Variants in SCAPER observed in about 807,000 individuals in gnomAD.
SCAPER encodes the protein S phase cyclin A-associated protein in the endoplasmic reticulum.
SCAPER carries 98 observed loss-of-function variants against 182.2 expected under a neutral mutation model. The ratio of observed to expected loss-of-function variants is 0.54; its 90% confidence interval spans 0.46 to 0.64. The LOEUF is 0.64. Among genes scored for constraint, SCAPER ranks in the 30% least tolerant of loss-of-function variants. The probability of loss-of-function intolerance (pLI) is 0.00; values close to 1 mark genes in which losing one functional copy is unlikely to be tolerated. For synonymous variants in SCAPER, 605 were observed against 564.6 expected, an observed-to-expected ratio of 1.07 and a Z score of -1.01; for missense variants, 1,432 against 1,690.0, an observed-to-expected ratio of 0.85 and a Z score of 2.68.
chr15:76,473,144 C>T (rs561668825), intron 24 of SCAPER, among the ~76,000 whole-genome samples: 3 of 152,268 alleles, frequency 2.0e-5, no homozygotes, highest in Admixed American at 6.5e-5. Context: ...AGCTGTTAAA[C>T]AATATGCTAA....
chr15:76,355,505 C>T (rs1356949114), intron 29 of SCAPER, among the ~76,000 whole-genome samples: 2 of 152,094 alleles, frequency 1.3e-5, no homozygotes, highest in South Asian at 4.1e-4. Flanking sequence ...CCAAATGTTC[C>T]CCACATTAGA....
chr15:76,846,227 A>G (rs2070068024), intron 4 of SCAPER, among the ~76,000 whole-genome samples: 1 of 152,194 alleles, frequency 6.6e-6, no homozygotes, highest in South Asian at 2.1e-4. Flanking sequence ...TAAGACCTCA[A>G]ACTATGAAAT....
chr15:76,666,080 A>G (rs1005386056), intron 20 of SCAPER, among the ~76,000 whole-genome samples: 1 of 152,212 alleles, frequency 6.6e-6, no homozygotes, highest in African/African-American at 2.4e-5. Context: ...AAATATATTC[A>G]CAAAACTATA....
At chr15:76,371,299 TATA>T (rs2042152987) in intron 29 of SCAPER, among the ~76,000 whole-genome samples, 1 of 151,830 alleles carries the variant, frequency 6.6e-6, no homozygotes, top group Non-Finnish European at 1.5e-5. Flanking sequence ...ATTTCTACCT[TATA>T]ATATTTCTCT....
chr15:76,469,267 G>A (rs978779564), intron 25 of SCAPER, among the ~76,000 whole-genome samples: 3 of 152,016 alleles, frequency 2.0e-5, no homozygotes, highest in African/African-American at 7.2e-5. Context: ...TCCAGATGAT[G>A]CAGTATGAAA....
At chr15:76,720,731 T>G (rs1041095291) in intron 17 of SCAPER, among the ~76,000 whole-genome samples, 5 of 152,254 alleles carry the variant, frequency 3.3e-5, no homozygotes, top group African/African-American at 1.2e-4. Flanking sequence ...TGTCTTCTTT[T>G]GAGAAGTGTC....
chr15:76,700,783 C>G (rs1826948190), intron 20 of SCAPER, among the ~76,000 whole-genome samples: 1 of 152,182 alleles, frequency 6.6e-6, no homozygotes. Context: ...AGAATAACTA[C>G]AGCTTCACAT....
intron 22 of SCAPER, among the ~76,000 whole-genome samples, chr15:76,613,749 C>CA (rs950379880): frequency 2.9e-4 from 44 of 152,096 alleles, no homozygotes; most frequent in African/African-American, 8.4e-4. Context: ...ATTTAAAAGT[C>CA]AAAAAATCAC....
chr15:76,603,775 TG>T, intron 22 of SCAPER, among the ~76,000 whole-genome samples: 1 of 122,416 alleles, frequency 8.2e-6, no homozygotes. Flanking sequence ...ATTTCTCTGA[TG>T]GACAGTGATG....
chr15:76,450,043 A>G (rs575477291), intron 25 of SCAPER, among the ~76,000 whole-genome samples: 1 of 152,342 alleles, frequency 6.6e-6, no homozygotes, highest in South Asian at 2.1e-4. Context: ...ATGTAAACAA[A>G]TGCTGTATTT....
intron 23 of SCAPER, among the ~76,000 whole-genome samples, chr15:76,515,956 T>C (rs755337699): frequency 2.6e-4 from 39 of 152,234 alleles, no homozygotes; most frequent in Middle Eastern, 3.4e-3. Context: ...AGGGTACAAG[T>C]AAGCTAGGAA....
At chr15:76,357,422 C>G (rs1297159358) in intron 29 of SCAPER, among the ~76,000 whole-genome samples, 1 of 152,122 alleles carries the variant, frequency 6.6e-6, no homozygotes, top group Non-Finnish European at 1.5e-5. Flanking sequence ...CATCTTACAC[C>G]AATCAGAATG....
chr15:76,468,475 G>GTTATTCAAAGGGAACTAGGGCTTTA (rs1166113699), intron 25 of SCAPER, among the ~76,000 whole-genome samples: 24 of 152,072 alleles, frequency 1.6e-4, no homozygotes, highest in African/African-American at 5.1e-4. Flanking sequence ...TACAACGAAG[G>GTTATTCAAAGGGAACTAGGGCTTTA]TTATTCAAAG....
chr15:76,348,807 A>G (rs1428064174), intron 31 of SCAPER, 71 bp from the exon 32 acceptor site: 4 of 930,518 alleles, frequency 4.3e-6, no homozygotes, highest in Non-Finnish European at 6.4e-6. Flanking sequence ...CATAAATTAA[A>G]CTTATTTTGA....
intron 5 of SCAPER, among the ~76,000 whole-genome samples, chr15:76,816,651 A>G (rs545413393): frequency 9.5e-4 from 129 of 135,688 alleles, no homozygotes; most frequent in Admixed American, 5.0e-3. Context: ...AGCCAGTAAC[A>G]TAATTTTTTT....
chr15:76,391,042 C>G (rs1223775976), intron 27 of SCAPER, among the ~76,000 whole-genome samples: 1 of 152,140 alleles, frequency 6.6e-6, no homozygotes, highest in Non-Finnish European at 1.5e-5. Context: ...ATTCAGATTT[C>G]TCACCTTTCT....
At chr15:76,796,069 A>C (rs1365491619) in intron 7 of SCAPER, among the ~76,000 whole-genome samples, 1 of 152,196 alleles carries the variant, frequency 6.6e-6, no homozygotes, top group East Asian at 1.9e-4. Context: ...TCAATTTAAA[A>C]AAAGAAAAAG....
intron 23 of SCAPER, among the ~76,000 whole-genome samples, chr15:76,531,680 C>G (rs1341116108): frequency 6.6e-6 from 1 of 151,958 alleles, no homozygotes; most frequent in Non-Finnish European, 1.5e-5. Flanking sequence ...ACTTGGCACA[C>G]AGTGTTAATT....
intron 4 of SCAPER, among the ~76,000 whole-genome samples, chr15:76,851,925 T>C (rs1008003549): frequency 6.6e-6 from 1 of 152,008 alleles, no homozygotes; most frequent in Non-Finnish European, 1.5e-5. Flanking sequence ...CCCAATGGTA[T>C]GCTGTCTTCA....
Sources: gnomAD v4.1 joint callset for allele counts (sites outside exome capture counted in the v4.1 genomes callset) on GRCh38, gnomAD v4.1.1 for gene constraint, MANE v1.5 for transcripts, NCBI Gene and HGNC (gene_info 2026-07-23, HGNC 2026-07-21) for gene names.